PLEKHG7: variants seen among roughly 807,000 people sequenced by gnomAD.
PLEKHG7 encodes the protein pleckstrin homology and RhoGEF domain containing G7, also known as pleckstrin homology domain-containing family G member 7.
Under a neutral mutation model 85.2 loss-of-function variants are expected in PLEKHG7, and 77 were observed. The observed-to-expected ratio is 0.90, with a 90% CI of 0.75 to 1.09. PLEKHG7 has a LOEUF of 1.09. Ranked by LOEUF, PLEKHG7 falls within the 50% of genes least tolerant of loss-of-function variation. The pLI is 0.00. For synonymous variants in PLEKHG7, 301 were observed against 302.4 expected, an observed-to-expected ratio of 1.00 and a Z score of 0.05; for missense variants, 777 against 804.3, an observed-to-expected ratio of 0.97 and a Z score of 0.41.
rs1477527691 is a variant in PLEKHG7, at chr12:92,761,674, GAAAGA to G, written c.1637-75_1637-71del. 2.9e-4 allele frequency: 369 copies of G among 1,268,122 alleles called. 4 individuals are homozygous for G. Among genetic ancestry groups the G allele is most frequent in the Non-Finnish European group, 3.3e-4 (330 of 985,950 alleles). The allele number at this position is 1,268,122 out of a possible 1,614,324, so 78.6% of individuals were successfully genotyped here. On this transcript the variant is annotated intron_variant, in intron 13 of 16. Transcript: ENST00000344636. ...AGAAAGAAAGAAAGAAAGAAAGAAAGAAAGAAAGAAAGGGAAAGAAAAACTCTTCT... is the reference window on the plus strand; with the variant it reads ...AGAAAGAAAGAAAGAAAGAAAGAAAGAAGAAAGGGAAAGAAAAACTCTTCT...
intron 5 of PLEKHG7, among the ~76,000 whole-genome samples, chr12:92,733,010 A>G (rs1872036755): frequency 6.6e-6 from 1 of 152,176 alleles, no homozygotes; most frequent in Non-Finnish European, 1.5e-5. Context: ...ACTATGCCTC[A>G]TTCTGTTAAA....
At chr12:92,761,996 T>G (rs1351624376) in intron 14 of PLEKHG7, among the ~76,000 whole-genome samples, 165 bp downstream of exon 14, 1 of 150,630 alleles carries the variant, frequency 6.6e-6, no homozygotes, top group African/African-American at 2.5e-5. Flanking sequence ...GTCATAAAGC[T>G]CTGAAGTAAA....
chr12:92,744,423 T>C (rs376773962), intron 9 of PLEKHG7, among the ~76,000 whole-genome samples: 19 of 152,286 alleles, frequency 1.2e-4, no homozygotes, highest in African/African-American at 4.6e-4. Flanking sequence ...GATGGTGGCA[T>C]GTAGTTCAGT....
intron 3 of PLEKHG7, among the ~76,000 whole-genome samples, chr12:92,722,840 T>A (rs1224984878): frequency 6.6e-6 from 1 of 152,222 alleles, no homozygotes; most frequent in Non-Finnish European, 1.5e-5. Flanking sequence ...AACAAGCTTA[T>A]CTGAATACTT....
At chr12:92,752,917 G>A (rs796454269) in intron 10 of PLEKHG7, among the ~76,000 whole-genome samples, 5 of 152,170 alleles carry the variant, frequency 3.3e-5, no homozygotes, top group African/African-American at 1.2e-4. Context: ...AGCCTCACAT[G>A]GTGAAAAGAG....
At chr12:92,704,287 G>A (rs927860523) in intron 1 of PLEKHG7, among the ~76,000 whole-genome samples, 12 of 151,946 alleles carry the variant, frequency 7.9e-5, no homozygotes, top group African/African-American at 2.9e-4. Flanking sequence ...AAGAAAGAAA[G>A]TACCTATAGA....
chr12:92,722,310 T>C (rs948388236), intron 3 of PLEKHG7, among the ~76,000 whole-genome samples: 3 of 152,168 alleles, frequency 2.0e-5, no homozygotes, highest in African/African-American at 7.2e-5. Flanking sequence ...TCCGCACCAA[T>C]CCATGTCTCT....
chr12:92,754,631 G>A (rs1197399898), intron 11 of PLEKHG7, among the ~76,000 whole-genome samples: 1 of 152,176 alleles, frequency 6.6e-6, no homozygotes, highest in African/African-American at 2.4e-5. Flanking sequence ...CATGGAAAGT[G>A]TGTCCAGAGG....
chr12:92,710,048 T>C (rs1871338098), intron 3 of PLEKHG7, among the ~76,000 whole-genome samples: 1 of 152,164 alleles, frequency 6.6e-6, no homozygotes, highest in South Asian at 2.1e-4. Flanking sequence ...TTCCTCCCTC[T>C]GGAACTAAGA....
chr12:92,767,438 A>G (rs997731249), intron 15 of PLEKHG7, among the ~76,000 whole-genome samples: 4 of 152,190 alleles, frequency 2.6e-5, no homozygotes, highest in African/African-American at 9.7e-5. Flanking sequence ...TGATCTTTAA[A>G]GCCTCACTTG....
chr12:92,744,489 G>A (rs958851639), intron 9 of PLEKHG7, among the ~76,000 whole-genome samples: 1 of 152,020 alleles, frequency 6.6e-6, no homozygotes, highest in Non-Finnish European at 1.5e-5. Flanking sequence ...TTAACAATTT[G>A]CCTTATTCTA....
In PLEKHG7 at chr12:92,707,131, G is replaced by C. The variant is rs746583439; in HGVS notation, c.500G>C (p.Ser167Thr). The C allele has an allele frequency of 1.2e-6, 2 of 1,612,442 alleles. No homozygotes were observed. Among genetic ancestry groups the C allele is most frequent in the South Asian group, 2.2e-5 (2 of 90,836 alleles). The part of the protein sequence containing the change: ...FLPSPTLRHP[S>T]PQGEELHPSR... Reference sequence around the variant, plus strand: ...CCCAGCCCCACCCTACGACACCCTAGTCCTCAGGTAACACAGCTCTAAGCC... The same window carrying C: ...CCCAGCCCCACCCTACGACACCCTACTCCTCAGGTAACACAGCTCTAAGCC... Residue 167 changes from serine to threonine, a missense_variant, in exon 2 of 17, where the codon AGT becomes ACT. Physicochemically the swap from Ser to Thr is moderately conservative, Grantham distance 58 (BLOSUM62 1). This residue lies in a region of PLEKHG7 where 252 missense variants were observed against 241.9 expected (regional missense o/e 1.04). Transcript: ENST00000344636.
At chr12:92,704,901 G>C (rs1469132637) in intron 1 of PLEKHG7, among the ~76,000 whole-genome samples, 1 of 152,190 alleles carries the variant, frequency 6.6e-6, no homozygotes, top group African/African-American at 2.4e-5. Context: ...AACAAGGTAA[G>C]AGTCAGGGAG....
intron 3 of PLEKHG7, among the ~76,000 whole-genome samples, chr12:92,725,955 T>C (rs1424764651): frequency 3.3e-5 from 5 of 152,088 alleles, no homozygotes; most frequent in African/African-American, 1.2e-4. Flanking sequence ...AATCAGAATC[T>C]CCACGGTGGG....
chr12:92,754,114 A>G lies in PLEKHG7; in HGVS notation c.1276A>G (p.Arg426Gly). 6.2e-7 allele frequency: 1 copy of G among 1,613,926 alleles called. No individual in the cohort carries two copies. The highest frequency in any genetic ancestry group is 8.5e-7 in the Non-Finnish European group (1 of 1,179,866). ...LKWCEQNEQC[R>G]RLHVPELLVA... ...GTGGTGTGAGCAGAATGAACAATGC[A>G]GACGGCTCCACGTGCCAGAGCTGCT... The change falls in exon 11 of 17, where the codon AGA becomes GGA. Residue 426 changes from arginine to glycine, a missense_variant. Coordinates refer to ENST00000344636, the MANE Select transcript of PLEKHG7 (RefSeq NM_001377329.1).
intron 3 of PLEKHG7, among the ~76,000 whole-genome samples, chr12:92,716,460 G>A (rs1871496959): frequency 6.6e-6 from 1 of 152,178 alleles, no homozygotes; most frequent in Non-Finnish European, 1.5e-5. Flanking sequence ...TTCTGAAATT[G>A]GCTAACTGGA....
At chr12:92,717,334 T>A (rs1333708095) in intron 3 of PLEKHG7, among the ~76,000 whole-genome samples, 1 of 152,184 alleles carries the variant, frequency 6.6e-6, no homozygotes, top group African/African-American at 2.4e-5. Context: ...CCAGTAAAAC[T>A]TCCCCCAAAG....
chr12:92,761,639 A>AAAGGAAGAAAGC, intron 13 of PLEKHG7, 113 bp from the exon 14 acceptor site: 1 of 497,856 alleles, frequency 2.0e-6, no homozygotes, highest in Non-Finnish European at 2.8e-6. Context: ...AGAAAGAAAG[A>AAAGGAAGAAAGC]AAGAAAGAAA....
At chr12:92,741,089 A>G in intron 8 of PLEKHG7, 141 bp downstream of exon 8, 2 of 562,234 alleles carry the variant, frequency 3.6e-6, no homozygotes. Context: ...AATAAGAAAG[A>G]AGTTGAAATA....
Sources: gnomAD v4.1 joint callset for allele counts (sites outside exome capture counted in the v4.1 genomes callset) on GRCh38, gnomAD v4.1.1 for gene constraint, gnomAD v4.1.1 regional missense constraint, MANE v1.5 for transcripts, NCBI Gene and HGNC (gene_info 2026-07-23, HGNC 2026-07-21) for gene names.